ACOT7: variants seen among roughly 807,000 people sequenced by gnomAD.
ACOT7 encodes acyl-CoA thioesterase 7, also known as cytosolic acyl coenzyme A thioester hydrolase.
In ACOT7, 12 loss-of-function variants were observed where a neutral mutation model predicts 40.2. The ratio of observed to expected loss-of-function variants is 0.30; its 90% confidence interval spans 0.19 to 0.48. ACOT7 has a LOEUF of 0.48. Among genes scored for constraint, ACOT7 ranks in the 20% least tolerant of loss-of-function variants. The pLI is 0.99. For synonymous variants in ACOT7, 228 were observed against 219.5 expected (o/e 1.04, Z -0.34); for missense variants, 395 against 530.8 (o/e 0.74, Z 2.51).
rs1641711061 is a variant in ACOT7, at chr1:6,355,224, G to C, written c.144-5358C>G. Among the ~76,000 whole-genome samples the C allele has an allele frequency of 6.6e-6, 1 of 152,020 alleles. No homozygotes were observed. Among genetic ancestry groups the C allele is most frequent in the African/African-American group, 2.4e-5 (1 of 41,364 alleles). On this transcript the variant is annotated intron_variant, in intron 1 of 8. Transcript: ENST00000361521. This position sits in a 1 kb window ranked among gnomAD's most constrained non-coding sequence, Gnocchi z 5.0. Reference sequence around the variant, plus strand: ...TGTAAGCGAATACCCACTCACAGAGGGCACCCGGCACCACCCACCCAAACC... The same window carrying C: ...TGTAAGCGAATACCCACTCACAGAGCGCACCCGGCACCACCCACCCAAACC...
chr1:6,285,061 TTGTC>T (rs1489654042), intron 7 of ACOT7, among the ~76,000 whole-genome samples: 1 of 152,232 alleles, frequency 6.6e-6, no homozygotes, highest in Non-Finnish European at 1.5e-5. Context: ...TATTTCACTG[TTGTC>T]TGTCTGTCCC....
chr1:6,264,986 C>A (rs1454574720), intron 8 of ACOT7, among the ~76,000 whole-genome samples: 1 of 152,206 alleles, frequency 6.6e-6, no homozygotes, highest in Non-Finnish European at 1.5e-5. Context: ...AGAGGAGACA[C>A]TAAGGGCATG....
At chr1:6,370,662 G>A (rs761142402) in intron 1 of ACOT7, among the ~76,000 whole-genome samples, 1 of 150,612 alleles carries the variant, frequency 6.6e-6, no homozygotes, top group Non-Finnish European at 1.5e-5. Flanking sequence ...ACTAATTTTT[G>A]TATATTTTTT....
Position 6,356,452 on chromosome 1 carries a change from A to G in ACOT7, c.144-6586T>C, listed in dbSNP as rs369505863. The stretch of plus-strand genomic sequence containing the variant: ...CAGCTCAGCACCCTCAGCCCCGCTC[A>G]GCACCCTCAGCCCAGCTCAGCACCT... On this transcript the variant is annotated intron_variant, in intron 1 of 8. Coordinates refer to ENST00000361521, the MANE Select transcript of ACOT7 (RefSeq NM_007274.4). Among the ~76,000 whole-genome samples, 5 of 152,108 alleles carry G rather than the reference A, an allele frequency of 3.3e-5. No individual in the cohort carries two copies. The East Asian group carries it at 7.7e-4, about 23-fold the overall frequency.
At chr1:6,303,414 TTTTTG>T in intron 6 of ACOT7, among the ~76,000 whole-genome samples, 1 of 151,988 alleles carries the variant, frequency 6.6e-6, no homozygotes, top group East Asian at 1.9e-4. Context: ...TGCTTATAGG[TTTTTG>T]TTTTGTGTTT....
intron 2 of ACOT7, among the ~76,000 whole-genome samples, chr1:6,343,096 T>C (rs1641318426): frequency 6.6e-6 from 1 of 152,184 alleles, no homozygotes; most frequent in Non-Finnish European, 1.5e-5. Flanking sequence ...GGGAGGGGCC[T>C]GGGCCAGCTC....
chr1:6,276,028 A>C (rs190733264), intron 8 of ACOT7, among the ~76,000 whole-genome samples: 261 of 152,240 alleles, frequency 1.7e-3, no homozygotes, highest in Non-Finnish European at 2.7e-3. Context: ...CTCAGCCCTG[A>C]CAGCCATGGA....
At chr1:6,376,946 G>A (rs1455435474) in intron 1 of ACOT7, among the ~76,000 whole-genome samples, 2 of 152,360 alleles carry the variant, frequency 1.3e-5, no homozygotes, top group African/African-American at 2.4e-5. Context: ...CCTGATATAA[G>A]AGGATATACA....
At chr1:6,268,940 C>T (rs1638937175) in intron 8 of ACOT7, among the ~76,000 whole-genome samples, 1 of 152,204 alleles carries the variant, frequency 6.6e-6, no homozygotes. Flanking sequence ...CTGCAGAAGG[C>T]ACTGCAGACG....
chr1:6,367,286 T>C (rs1316475553), intron 1 of ACOT7, among the ~76,000 whole-genome samples: 2 of 152,220 alleles, frequency 1.3e-5, no homozygotes, highest in Non-Finnish European at 2.9e-5. Context: ...ATCCTTTTGT[T>C]ATGGGATCTT....
chr1:6,333,500 C>T lies in ACOT7; in HGVS notation c.487G>A (p.Val163Ile), dbSNP rs1430040320. 6.2e-7 allele frequency: 1 copy of T among 1,614,108 alleles called. No individual in the cohort carries two copies. Among genetic ancestry groups the T allele is most frequent in the African/African-American group, 1.3e-5 (1 of 74,930 alleles). The stretch of plus-strand genomic sequence containing the variant: ...ACCACAACAGGAGGCACCTCGAGGA[C>T]CTTGTCCACATTCTTCAGCGACAGG... ...VPLSLKNVDK[V>I]LEVPPVVYSR... The change falls in exon 4 of 9, where the codon GTC becomes ATC. Residue 163 changes from valine (V) to isoleucine (I), a missense_variant. By Grantham distance (29) the Val-to-Ile change is conservative (BLOSUM62 3). Coordinates refer to ENST00000361521, the MANE Select transcript of ACOT7 (RefSeq NM_007274.4).
chr1:6,358,960 G>A lies in ACOT7; in HGVS notation c.144-9094C>T. ...AGCTCCCTGCCACACCGGGCTTGGT[G>A]GGGAGCACCCCCCACCCCCAGCTTC... On this transcript the variant is annotated intron_variant, in intron 1 of 8. Coordinates refer to ENST00000361521, the MANE Select transcript of ACOT7 (RefSeq NM_007274.4). This position sits in a 1 kb window ranked among gnomAD's most constrained non-coding sequence, Gnocchi z 4.1. 1 of 1,491,802 alleles carries A rather than the reference G, an allele frequency of 6.7e-7. No homozygotes were observed. The highest frequency in any genetic ancestry group is 2.6e-5 in the East Asian group (1 of 37,806). 92.4% of individuals were successfully genotyped at this position (1,491,802 alleles called of 1,614,324 possible).
chr1:6,281,779 C>G (rs546831297), intron 7 of ACOT7, among the ~76,000 whole-genome samples: 13 of 152,326 alleles, frequency 8.5e-5, no homozygotes, highest in Non-Finnish European at 1.3e-4. Context: ...AAGACAGAAC[C>G]TTGTATCACC....
chr1:6,346,828 G>A (rs1641439686), intron 2 of ACOT7, among the ~76,000 whole-genome samples: 1 of 152,200 alleles, frequency 6.6e-6, no homozygotes, highest in Non-Finnish European at 1.5e-5. Context: ...CTGGAAGGTA[G>A]AGCAGTGGGA....
intron 7 of ACOT7, among the ~76,000 whole-genome samples, chr1:6,290,505 G>A (rs986421675): frequency 1.3e-5 from 2 of 152,180 alleles, no homozygotes; most frequent in African/African-American, 2.4e-5. Flanking sequence ...GGCTCCAACC[G>A]CCTGGATGTG....
At chr1:6,298,480 G>A (rs1003355900) in intron 6 of ACOT7, among the ~76,000 whole-genome samples, 5 of 152,158 alleles carry the variant, frequency 3.3e-5, no homozygotes, top group African/African-American at 4.8e-5. Context: ...AATGAACAAC[G>A]GAGGCCCTAA....
rs1442632804 is a variant in ACOT7 at position 6,274,213 on chromosome 1, C to T, written c.1014+6889G>A. ...GCGAGGGACCTTCCAATTACAGCAT[C>T]ACTGAGAAGGCACGGAGAGGGAACT... is the stretch of plus-strand genomic sequence containing the variant. On this transcript the variant is annotated intron_variant, in intron 8 of 8. Transcript: ENST00000361521. The surrounding 1 kb of genome is among the most constrained non-coding windows in gnomAD (Gnocchi z 5.9). 6.6e-6 allele frequency among the ~76,000 whole-genome samples: 1 copy of T among 152,194 alleles called. No individual in the cohort carries two copies. Among genetic ancestry groups the T allele is most frequent in the Non-Finnish European group, 1.5e-5 (1 of 68,036 alleles).
In ACOT7 at chr1:6,288,146, G is replaced by A. The variant is rs947009452; in HGVS notation, c.829+6718C>T. Among the ~76,000 whole-genome samples the A allele has an allele frequency of 6.6e-6, 1 of 152,158 alleles. No individual in the cohort carries two copies. Among genetic ancestry groups the A allele is most frequent in the Non-Finnish European group, 1.5e-5 (1 of 68,018 alleles). On this transcript the variant is annotated intron_variant, in intron 7 of 8. Coordinates refer to ENST00000361521, the MANE Select transcript of ACOT7 (RefSeq NM_007274.4). This position sits in a 1 kb window ranked among gnomAD's most constrained non-coding sequence, Gnocchi z 4.3. ...CTCCACTGCTTGCCTGGGGGGCGGA[G>A]GCTCTCCCACTCTGTGGGTGCTACC...
intron 7 of ACOT7, among the ~76,000 whole-genome samples, chr1:6,291,575 C>G (rs1639664553): frequency 6.6e-6 from 1 of 152,196 alleles, no homozygotes. Flanking sequence ...TGCCAGGCAC[C>G]ACGTGCAACC....
Sources: allele counts gnomAD v4.1 joint callset (sites outside exome capture counted in the v4.1 genomes callset), GRCh38; gene constraint gnomAD v4.1.1; non-coding constraint Gnocchi (gnomAD v3.1); transcripts MANE v1.5; gene names NCBI Gene and HGNC (gene_info 2026-07-23, HGNC 2026-07-21).